CD82: variants seen among roughly 807,000 people sequenced by gnomAD.
CD82 encodes the protein CD82 antigen.
In CD82, 36 loss-of-function variants were observed where a neutral mutation model predicts 37.4. The observed-to-expected ratio is 0.96, with a 90% CI of 0.74 to 1.27. The LOEUF is 1.27. CD82 is among the 50% of genes most tolerant of loss of function. The pLI, the probability that CD82 is intolerant of heterozygous loss-of-function variation, is 0.00. For synonymous variants in CD82, 158 were observed against 137.4 expected, an observed-to-expected ratio of 1.15 and a Z score of -1.05; for missense variants, 340 against 347.0, an observed-to-expected ratio of 0.98 and a Z score of 0.16.
chr11:44,579,362 C>T (rs1852947421), intron 1 of CD82, among the ~76,000 whole-genome samples: 2 of 151,894 alleles, frequency 1.3e-5, no homozygotes, highest in African/African-American at 4.8e-5. Context: ...GCTGGCCTGG[C>T]TCCAGGGGTG....
In CD82 at chr11:44,590,610, C is replaced by CAA. The variant is rs56665683; in HGVS notation, c.-21+3073_-21+3074dup. Among the ~76,000 whole-genome samples, 42 of 33,456 alleles carry CAA rather than the reference C, an allele frequency of 1.3e-3. 3 individuals carry two copies. The highest frequency in any genetic ancestry group is 3.9e-3 in the African/African-American group (37 of 9,586). 21.9% of individuals were successfully genotyped at this position (33,456 alleles called of 152,430 possible). ...TGGGCAACAGAGGGAGATTCTGTCT[C>CAA]AAAAAAAAAAAAAAAAAAAAGATGA... On this transcript the variant is annotated intron_variant, in intron 2 of 9. Transcript: ENST00000227155.
rs529985982 is a variant in CD82 at position 44,619,214 on chromosome 11, C to G, written c.*88C>G. On this transcript the variant is annotated 3_prime_UTR_variant, in exon 10 of 10. Coordinates refer to ENST00000227155, the MANE Select transcript of CD82 (RefSeq NM_002231.4). ...GGCTCCCTCCTCCAGGCCTGCCTCC[C>G]ACTTCACTGCGAAGACCCTCTTGCC... 1.4e-3 allele frequency: 1,445 copies of G among 1,045,772 alleles called. 6 individuals are homozygous for G. The highest frequency in any genetic ancestry group is 1.9e-3 in the Non-Finnish European group (1,270 of 665,512). The allele number at this position is 1,045,772 out of a possible 1,614,324, so 64.8% of individuals were successfully genotyped here.
chr11:44,608,854 C>T lies in CD82; in HGVS notation c.336+3425C>T, dbSNP rs12577338. Among the ~76,000 whole-genome samples the T allele has an allele frequency of 9.3e-3, 1,414 of 152,346 alleles. 6 individuals carry two copies. The highest frequency in any genetic ancestry group is 0.036 in the East Asian group (185 of 5,180). On this transcript the variant is annotated intron_variant, in intron 6 of 9. Transcript: ENST00000227155. ...CCCTTTCTAAAATCTGATCCTGTCT[C>T]GAGCCGGAGCCCCCAGGGGCTGCCT...
At chr11:44,567,962 G>A (rs1852760992) in intron 1 of CD82, among the ~76,000 whole-genome samples, 1 of 152,250 alleles carries the variant, frequency 6.6e-6, no homozygotes, top group South Asian at 2.1e-4. Context: ...AAACCTCTAG[G>A]TTGCTCATTC....
At chr11:44,609,964 G>T (rs529687033) in intron 6 of CD82, among the ~76,000 whole-genome samples, 1 of 152,328 alleles carries the variant, frequency 6.6e-6, no homozygotes, top group East Asian at 1.9e-4. Flanking sequence ...GATGCAGGAA[G>T]CGCCCTCATT....
chr11:44,579,374 G>A (rs968363614), intron 1 of CD82, among the ~76,000 whole-genome samples: 3 of 151,926 alleles, frequency 2.0e-5, no homozygotes, highest in African/African-American at 2.4e-5. Flanking sequence ...CCAGGGGTGG[G>A]TGTGGGATCC....
chr11:44,618,259 A>G lies in CD82; in HGVS notation c.536A>G (p.Lys179Arg), dbSNP rs1364168845. ...EVTYPCSCEV[K>R]GEEDNSLSVR... The stretch of plus-strand genomic sequence containing the variant: ...ACCTACCCCTGTTCCTGCGAAGTCA[A>G]GGGGGAAGAGGACAACAGCCTTTCT... The change falls in exon 8 of 10, where the codon AAG becomes AGG. Residue 179 changes from lysine (K) to arginine (R), a missense_variant. Physicochemically the swap from Lys to Arg is conservative, Grantham distance 26. Transcript: ENST00000227155. The G allele has an allele frequency of 6.2e-7, 1 of 1,614,088 alleles. No individual in the cohort carries two copies. Among genetic ancestry groups the G allele is most frequent in the South Asian group, 1.1e-5 (1 of 91,080 alleles).
chr11:44,596,775 A>G (rs755655498), intron 3 of CD82: 5 of 394,918 alleles, frequency 1.3e-5, no homozygotes, highest in East Asian at 1.4e-4. Context: ...GCAAATGTGT[A>G]TCTGACACCT....
chr11:44,599,495 A>G (rs1197797499), intron 3 of CD82, among the ~76,000 whole-genome samples: 3 of 152,204 alleles, frequency 2.0e-5, no homozygotes. Flanking sequence ...CAGCTCATTC[A>G]TTCCCCCAGC....
At chr11:44,569,650 C>A (rs180736618) in intron 1 of CD82, among the ~76,000 whole-genome samples, 55 of 152,286 alleles carry the variant, frequency 3.6e-4, no homozygotes, top group African/African-American at 1.2e-3. Flanking sequence ...ACAACCCCAA[C>A]ACAGAGGAGC....
At chr11:44,566,908 T>C (rs1852744141) in intron 1 of CD82, among the ~76,000 whole-genome samples, 1 of 152,182 alleles carries the variant, frequency 6.6e-6, no homozygotes, top group African/African-American at 2.4e-5. Flanking sequence ...GACTGTGTCA[T>C]CTGGAACAAA....
chr11:44,579,120 A>G (rs1212991327), intron 1 of CD82, among the ~76,000 whole-genome samples: 1 of 152,140 alleles, frequency 6.6e-6, no homozygotes, highest in African/African-American at 2.4e-5. Flanking sequence ...CTGCTCAGGA[A>G]TCACATTTGG....
intron 1 of CD82, among the ~76,000 whole-genome samples, chr11:44,566,502 G>A (rs1438184647): frequency 6.6e-6 from 1 of 152,200 alleles, no homozygotes; most frequent in Admixed American, 6.5e-5. Context: ...TCTGTTCCTG[G>A]AGGTGGTGGG....
At chr11:44,584,941 A>G (rs1458501702) in intron 1 of CD82, among the ~76,000 whole-genome samples, 1 of 152,210 alleles carries the variant, frequency 6.6e-6, no homozygotes, top group Non-Finnish European at 1.5e-5. Context: ...GCTGGCATCC[A>G]GGGCACAATA....
intron 2 of CD82, among the ~76,000 whole-genome samples, chr11:44,593,346 C>T (rs895564197): frequency 6.6e-6 from 1 of 152,230 alleles, no homozygotes; most frequent in Non-Finnish European, 1.5e-5. Context: ...TGGTGCCGTC[C>T]CCTCCACCCC....
Position 44,601,413 on chromosome 11 carries a change from T to G in CD82, c.136+1183T>G, listed in dbSNP as rs568618430. Reference sequence around the variant, plus strand: ...CCCCTTTCACCCTCCATTCTGGGGTTAGGGTGGGTGGGCTACCCGTGCCCC... The same window carrying G: ...CCCCTTTCACCCTCCATTCTGGGGTGAGGGTGGGTGGGCTACCCGTGCCCC... On this transcript the variant is annotated intron_variant, in intron 4 of 9. Coordinates refer to ENST00000227155, the MANE Select transcript of CD82 (RefSeq NM_002231.4). Among the ~76,000 whole-genome samples, 5 of 152,074 alleles carry G rather than the reference T, an allele frequency of 3.3e-5. No homozygotes were observed. The East Asian group carries it at 9.7e-4, about 29-fold the overall frequency.
intron 3 of CD82, among the ~76,000 whole-genome samples, chr11:44,595,508 A>C (rs1853210282): frequency 6.6e-6 from 1 of 152,174 alleles, no homozygotes; most frequent in South Asian, 2.1e-4. Context: ...AGTGTTAAAA[A>C]AAAATCAGGT....
chr11:44,613,230 A>C (rs1853512185), intron 6 of CD82, among the ~76,000 whole-genome samples: 4 of 152,074 alleles, frequency 2.6e-5, no homozygotes, highest in Admixed American at 2.6e-4. Context: ...CAGTCCAACC[A>C]TGCATTTGCC....
At chr11:44,574,995 C>A (rs887062318) in intron 1 of CD82, among the ~76,000 whole-genome samples, 4 of 152,214 alleles carry the variant, frequency 2.6e-5, no homozygotes, top group South Asian at 2.1e-4. Context: ...TAATGAGCTC[C>A]ATGGAATGAA....
Sources: allele counts gnomAD v4.1 joint callset (sites outside exome capture counted in the v4.1 genomes callset), GRCh38; gene constraint gnomAD v4.1.1; transcripts MANE v1.5; gene names NCBI Gene and HGNC (gene_info 2026-07-23, HGNC 2026-07-21).